Variants in HDAC8 observed in about 807,000 individuals in gnomAD.
HDAC8 encodes histone deacetylase-like 1.
In HDAC8, 1 loss-of-function variant was observed where a neutral mutation model predicts 32.2. The ratio of observed to expected loss-of-function variants is 0.03; its 90% confidence interval spans 0.01 to 0.15. The LOEUF (loss-of-function observed/expected upper bound fraction) is 0.15, where lower values mean the gene tolerates loss of function less well. Among genes scored for constraint, HDAC8 ranks in the 10% least tolerant of loss-of-function variants. The pLI is 1.00. For missense variants in HDAC8, 117 were observed against 300.0 expected (o/e 0.39, Z 4.51); for synonymous variants, 108 against 113.9 (o/e 0.95, Z 0.33).
chrX:72,353,493 A>G (rs1179055930), intron 9 of HDAC8, among the ~76,000 whole-genome samples: 1 of 111,791 alleles, frequency 8.9e-6, no homozygotes, highest in Non-Finnish European at 1.9e-5. Flanking sequence ...TACCAAACCC[A>G]TATGTGGAAC....
At chrX:72,471,320 A>G (rs1393617774) in intron 7 of HDAC8, among the ~76,000 whole-genome samples, 1 of 112,341 alleles carries the variant, frequency 8.9e-6, no homozygotes, top group African/African-American at 3.2e-5. Context: ...AATTTTGTGT[A>G]GACACATTTT....
intron 4 of HDAC8, among the ~76,000 whole-genome samples, chrX:72,514,783 T>C (rs1452941700): frequency 1.8e-5 from 2 of 111,901 alleles, no homozygotes; most frequent in Non-Finnish European, 3.8e-5. Context: ...AAGTCTGTAA[T>C]ATGATAAGCC....
intron 7 of HDAC8, chrX:72,474,447 T>C (rs2048272552): frequency 1.0e-6 from 1 of 995,402 alleles, no homozygotes; most frequent in South Asian, 3.6e-5. Context: ...CCCTAACCAC[T>C]GTAACAGTAC....
At chrX:72,376,257 G>A (rs1237254094) in intron 9 of HDAC8, among the ~76,000 whole-genome samples, 1 of 111,121 alleles carries the variant, frequency 9.0e-6, no homozygotes, top group Non-Finnish European at 1.9e-5. Flanking sequence ...TATCTCCACT[G>A]TCGTTCCTGA....
Position 72,465,554 on chromosome X carries a change from T to C in HDAC8, c.738-823A>G, listed in dbSNP as rs192924562. ...GTCCAGAATGCATTTTTAGGAGTTA[T>C]AAAGTCCCTGCTCTCAAGGGGCTTA... is the stretch of plus-strand genomic sequence containing the variant. On this transcript the variant is annotated intron_variant, in intron 7 of 10. Transcript: ENST00000373573. 5.4e-5 allele frequency among the ~76,000 whole-genome samples: 6 copies of C among 111,477 alleles called. No homozygotes were observed. In the South Asian group the frequency reaches 1.9e-3, roughly 36 times the overall value.
intron 9 of HDAC8, among the ~76,000 whole-genome samples, chrX:72,446,266 C>G (rs112440853): frequency 0.011 from 1,193 of 112,239 alleles, 12 homozygotes; most frequent in African/African-American, 0.029. Flanking sequence ...TTCACAATAG[C>G]AAAGGCTTGG....
intron 4 of HDAC8, among the ~76,000 whole-genome samples, chrX:72,540,139 G>T (rs190143727): frequency 2.6e-3 from 292 of 112,129 alleles, no homozygotes; most frequent in Non-Finnish European, 4.2e-3. Context: ...CTCCAAGTCT[G>T]ACTCTTTTCC....
chrX:72,487,922 T>C (rs1234706673), intron 7 of HDAC8, among the ~76,000 whole-genome samples: 2 of 101,299 alleles, frequency 2.0e-5, no homozygotes, highest in Non-Finnish European at 4.0e-5. Context: ...ATTAAACCAT[T>C]GATGGCAGGC....
intron 10 of HDAC8, among the ~76,000 whole-genome samples, chrX:72,350,498 G>A (rs943398166): frequency 2.7e-5 from 3 of 110,849 alleles, no homozygotes; most frequent in Non-Finnish European, 3.8e-5. Flanking sequence ...ATATTCCAGC[G>A]AGGGACTCAA....
chrX:72,485,887 C>T (rs1187892356), intron 7 of HDAC8, among the ~76,000 whole-genome samples: 4 of 110,475 alleles, frequency 3.6e-5, no homozygotes, highest in African/African-American at 1.3e-4. Flanking sequence ...TTTGGGAGGC[C>T]GAGGTGGGTG....
chrX:72,407,410 C>T (rs2046073408), intron 9 of HDAC8, among the ~76,000 whole-genome samples: 1 of 112,397 alleles, frequency 8.9e-6, no homozygotes, highest in Non-Finnish European at 1.9e-5. Context: ...AGGACTCTCA[C>T]TCTGCTGAGT....
At chrX:72,529,818 G>T (rs1556034704) in intron 4 of HDAC8, among the ~76,000 whole-genome samples, 5 of 111,584 alleles carry the variant, frequency 4.5e-5, no homozygotes, top group African/African-American at 1.3e-4. Flanking sequence ...TTGTAGGGGG[G>T]ACCTGGTGGG....
intron 9 of HDAC8, among the ~76,000 whole-genome samples, chrX:72,458,201 C>A (rs2047772620): frequency 8.9e-6 from 1 of 112,680 alleles, no homozygotes; most frequent in Non-Finnish European, 1.9e-5. Flanking sequence ...CATACAAGCT[C>A]CATTCTTCTC....
intron 9 of HDAC8, among the ~76,000 whole-genome samples, chrX:72,442,137 C>T: frequency 9.0e-6 from 1 of 110,835 alleles, no homozygotes. Context: ...GAGAACTTCC[C>T]CAATCTAGTA....
intron 9 of HDAC8, among the ~76,000 whole-genome samples, chrX:72,354,972 C>T (rs1354428665): frequency 3.6e-5 from 4 of 112,181 alleles, no homozygotes; most frequent in Non-Finnish European, 5.6e-5. Context: ...GCCTCATCCA[C>T]ACCCTGAAGG....
chrX:72,398,593 G>T (rs1286346828), intron 9 of HDAC8, among the ~76,000 whole-genome samples: 1 of 108,867 alleles, frequency 9.2e-6, no homozygotes, highest in African/African-American at 3.4e-5. Context: ...CCTCGACCGA[G>T]ATCTCTAAGT....
intron 9 of HDAC8, among the ~76,000 whole-genome samples, chrX:72,429,911 G>A (rs2046764597): frequency 8.9e-6 from 1 of 111,957 alleles, no homozygotes; most frequent in Admixed American, 9.5e-5. Flanking sequence ...GCAGAAATGA[G>A]GGCTTGGAAG....
chrX:72,449,007 G>C (rs1313121538), intron 9 of HDAC8, among the ~76,000 whole-genome samples: 1 of 112,298 alleles, frequency 8.9e-6, no homozygotes, highest in Non-Finnish European at 1.9e-5. Flanking sequence ...GGAAGACAGT[G>C]TGGTGATTCC....
intron 9 of HDAC8, among the ~76,000 whole-genome samples, chrX:72,362,666 C>A (rs1190665532): frequency 2.7e-5 from 3 of 112,392 alleles, no homozygotes; most frequent in African/African-American, 9.7e-5. Context: ...TCAGTAAATA[C>A]TATTAAATGC....
Sources: allele counts gnomAD v4.1 joint callset (sites outside exome capture counted in the v4.1 genomes callset), GRCh38; gene constraint gnomAD v4.1.1; transcripts MANE v1.5; gene names NCBI Gene and HGNC (gene_info 2026-07-23, HGNC 2026-07-21).